The following GCN1 variants were observed in gnomAD, a reference collection of about 807,000 sequenced individuals.
The protein encoded by GCN1 is stalled ribosome sensor GCN1.
GCN1 carries 90 observed loss-of-function variants against 288.4 expected under a neutral mutation model. The observed-to-expected ratio is 0.31, with a 90% CI of 0.26 to 0.37. The LOEUF is 0.37. GCN1 is among the 10% of genes least tolerant of loss of function. The pLI, the probability that GCN1 is intolerant of heterozygous loss-of-function variation, is 1.00. For synonymous variants in GCN1, 1,386 were observed against 1,420.2 expected (o/e 0.98, Z 0.54); for missense variants, 2,586 against 3,419.9 (o/e 0.76, Z 6.08).
At chr12:120,161,784 T>A in intron 21 of GCN1, 96 bp downstream of exon 21, 1 of 1,216,844 alleles carries the variant, frequency 8.2e-7, no homozygotes, top group Non-Finnish European at 1.2e-6. Context: ...GATAGGCTGT[T>A]GCATTCAACT....
rs536355010 is a variant in GCN1, at chr12:120,134,116, C to T, written c.7317+175G>A. On this transcript the variant is annotated intron_variant, in intron 53 of 57. Coordinates refer to ENST00000300648, the MANE Select transcript of GCN1 (RefSeq NM_006836.2). The surrounding 1 kb of genome is among the most constrained non-coding windows in gnomAD (Gnocchi z 5.0). ...ACCAATATATCCACAATACCTGCCC[C>T]GTTTCCCTTGAAACCCGAGGAAATG... Among the ~76,000 whole-genome samples, 13 of 152,238 alleles carry T rather than the reference C, an allele frequency of 8.5e-5. No homozygotes were observed. Among genetic ancestry groups the T allele is most frequent in the African/African-American group, 1.4e-4 (6 of 41,542 alleles).
In GCN1 at chr12:120,127,902, G is replaced by A; in HGVS notation, c.7963C>T (p.Leu2655=). ...NEVNRRSLKK[L]ASQADSTEQV... ...TCCGTGGAGTCGGCCTGGCTGGCCA[G>A]CTTCTTCAGGGACCTTCGGTTAACC... Residue 2655 remains leucine (L), a synonymous_variant, in exon 58 of 58, where the codon CTG becomes TTG. Transcript: ENST00000300648. 1 of 1,614,174 alleles carries A rather than the reference G, an allele frequency of 6.2e-7. No homozygotes were observed. The highest frequency in any genetic ancestry group is 8.5e-7 in the Non-Finnish European group (1 of 1,179,972).
intron 50 of GCN1, among the ~76,000 whole-genome samples, chr12:120,136,973 G>A (rs1286713905): frequency 1.3e-5 from 2 of 152,202 alleles, no homozygotes; most frequent in Middle Eastern, 3.2e-3. Flanking sequence ...CTGTTACCCT[G>A]TGGCCCACTC....
intron 15 of GCN1, 44 bp downstream of exon 15, chr12:120,170,125 A>G: frequency 6.4e-7 from 1 of 1,572,876 alleles, no homozygotes; most frequent in Non-Finnish European, 8.7e-7. Context: ...GACTCTTGTC[A>G]GAGGCCCCTG....
Position 120,183,441 on chromosome 12 carries a change from C to G in GCN1, c.426+128G>C, listed in dbSNP as rs60937420. 5,775 of 690,912 alleles carry G rather than the reference C, an allele frequency of 8.4e-3. 228 individuals are homozygous for G. In the African/African-American group the frequency reaches 0.085, roughly 10 times the overall value. 42.8% of individuals were successfully genotyped at this position (690,912 alleles called of 1,614,324 possible). On this transcript the variant is annotated intron_variant, in intron 5 of 57. Transcript: ENST00000300648. ...GGCCATCCACCAAAGCCACACACCT[C>G]GGGACAACTCAGAGTGTCTGGTCAC... is the stretch of plus-strand genomic sequence containing the variant.
intron 1 of GCN1, among the ~76,000 whole-genome samples, chr12:120,192,809 CAG>C (rs1269789806): frequency 1.3e-5 from 2 of 151,656 alleles, no homozygotes; most frequent in Non-Finnish European, 2.9e-5. Context: ...CTTTGGGAGA[CAG>C]AGGCGGACAG....
rs1877711646 is a variant in GCN1 at position 120,155,393 on chromosome 12, G to C, written c.3478C>G (p.Leu1160Val). The C allele has an allele frequency of 6.2e-7, 1 of 1,614,090 alleles. No individual in the cohort carries two copies. Among genetic ancestry groups the C allele is most frequent in the Non-Finnish European group, 8.5e-7 (1 of 1,180,032 alleles). ...SMMGLDLQPD[L>V]CSLLIDDVIY... ...ACGTCGTCAATCAGCAAGGAGCAGAGGTCTGGCTGCAGGTCTAGGCCCATC... is the reference window on the plus strand; with the variant it reads ...ACGTCGTCAATCAGCAAGGAGCAGACGTCTGGCTGCAGGTCTAGGCCCATC... Residue 1160 changes from leucine (L) to valine (V), a missense_variant, in exon 30 of 58, where the codon CTC (leucine) becomes GTC (valine). Physicochemically the swap from Leu to Val is conservative, Grantham distance 32. Coordinates refer to ENST00000300648, the MANE Select transcript of GCN1 (RefSeq NM_006836.2). This position sits in a 1 kb window ranked among gnomAD's most constrained non-coding sequence, Gnocchi z 4.9.
Position 120,148,325 on chromosome 12 carries a change from G to GC in GCN1, c.4567dup (p.Ala1523GlyfsTer8). 2 of 1,613,572 alleles carry GC rather than the reference G, an allele frequency of 1.2e-6. No homozygotes were observed. Among genetic ancestry groups the GC allele is most frequent in the Non-Finnish European group, 1.7e-6 (2 of 1,179,678 alleles). ...CTGCTTAGGAGCACAGTACGCCATT[G>GC]CCCCAAGAAGCTCCACTGACCCTGT... is the stretch of plus-strand genomic sequence containing the variant. On this transcript the variant is annotated frameshift_variant, in exon 37 of 58. Coordinates refer to ENST00000300648, the MANE Select transcript of GCN1 (RefSeq NM_006836.2). LOFTEE classifies it high-confidence loss of function.
intron 20 of GCN1, chr12:120,162,291 C>G (rs1042845308): frequency 2.7e-5 from 15 of 550,480 alleles, no homozygotes; most frequent in Non-Finnish European, 4.2e-5. Context: ...CTTCCCAATT[C>G]TCAATCTCCG....
In GCN1 at chr12:120,134,359, C is replaced by A. The variant is rs748698841; in HGVS notation, c.7249G>T (p.Ala2417Ser). Reference sequence around the variant, plus strand: ...TTCCGGATGACGGCATCCACTTTGGCCCCTGCTCCCTGAATCACAAACCTC... The same window carrying A: ...TTCCGGATGACGGCATCCACTTTGGACCCTGCTCCCTGAATCACAAACCTC... ...ALRFVIQGAG[A>S]KVDAVIRKNI... Residue 2417 changes from alanine (A) to serine (S), a missense_variant, in exon 53 of 58, where the codon GCC becomes TCC. Ala to Ser is a moderately conservative substitution (Grantham distance 99). Transcript: ENST00000300648. This position sits in a 1 kb window ranked among gnomAD's most constrained non-coding sequence, Gnocchi z 5.0. 1 of 1,614,062 alleles carries A rather than the reference C, an allele frequency of 6.2e-7. No homozygotes were observed. Among genetic ancestry groups the A allele is most frequent in the South Asian group, 1.1e-5 (1 of 91,080 alleles).
chr12:120,179,817 G>T (rs1026370036), intron 5 of GCN1, among the ~76,000 whole-genome samples: 1 of 152,118 alleles, frequency 6.6e-6, no homozygotes, highest in Non-Finnish European at 1.5e-5. Context: ...AAGAATTAAG[G>T]GTCCTGTTTC....
intron 39 of GCN1, 51 bp downstream of exon 39, chr12:120,145,211 T>C: frequency 3.9e-6 from 6 of 1,554,380 alleles, no homozygotes; most frequent in Non-Finnish European, 5.3e-6. Context: ...AATCCATTTA[T>C]GGGGACTGGA....
chr12:120,128,837 C>CTTTTTTTT (rs35329199), intron 57 of GCN1, among the ~76,000 whole-genome samples: 6 of 98,414 alleles, frequency 6.1e-5, no homozygotes, highest in Non-Finnish European at 7.6e-5. Flanking sequence ...TCACCCAAAT[C>CTTTTTTTT]TTTTTTTTTT....
chr12:120,144,736 A>G lies in GCN1; in HGVS notation c.5255T>C (p.Val1752Ala). Residue 1752 changes from valine (V) to alanine (A), a missense_variant, in exon 41 of 58, where the codon GTC becomes GCC. Around this residue, in one of 8 missense-constraint regions of GCN1, gnomAD observed 371 missense variants for 572.6 expected, o/e 0.65. Transcript: ENST00000300648. This position sits in a 1 kb window ranked among gnomAD's most constrained non-coding sequence, Gnocchi z 4.7. The stretch of plus-strand genomic sequence containing the variant: ...AAACATCATAATGTAGCCATCTCGG[A>G]CATGGGGTGCAATGTCCACTTTGCT... ...TASKVDIAPH[V>A]RDGYIMMFNY... 6.2e-7 allele frequency: 1 copy of G among 1,614,052 alleles called. No homozygotes were observed. The highest frequency in any genetic ancestry group is 8.5e-7 in the Non-Finnish European group (1 of 1,179,868).
Position 120,159,842 on chromosome 12 carries a change from G to C in GCN1, c.2732C>G (p.Ser911Cys). Residue 911 changes from serine to cysteine, a missense_variant, in exon 24 of 58, where the codon TCT becomes TGT. Around this residue, in one of 8 missense-constraint regions of GCN1, gnomAD observed 153 missense variants for 252.0 expected, o/e 0.61. Transcript: ENST00000300648. ...FLSLAACVMP[S>C]RLKALGTLVS... ...GGACTAACCCAAAGCCTTGAGCCTA[G>C]AGGGCATGACACAGGCAGCCAAGGA... The C allele has an allele frequency of 1.2e-6, 2 of 1,614,114 alleles. No homozygotes were observed. The highest frequency in any genetic ancestry group is 1.7e-6 in the Non-Finnish European group (2 of 1,179,958).
In GCN1 at chr12:120,134,992, C is replaced by T. The variant is rs149310106; in HGVS notation, c.7009-266G>A. Among the ~76,000 whole-genome samples the T allele has an allele frequency of 6.2e-4, 95 of 152,336 alleles. No individual in the cohort carries two copies. Among genetic ancestry groups the T allele is most frequent in the Admixed American group, 1.1e-3 (17 of 15,302 alleles). On this transcript the variant is annotated intron_variant, in intron 51 of 57. Transcript: ENST00000300648. The surrounding 1 kb of genome is among the most constrained non-coding windows in gnomAD (Gnocchi z 5.0). Reference sequence around the variant, plus strand: ...CTATCTGAGGGAGCTGTCTCGCAGCCTTGGCTGCGTTGGGGTTTGGCTTAG... The same window carrying T: ...CTATCTGAGGGAGCTGTCTCGCAGCTTTGGCTGCGTTGGGGTTTGGCTTAG...
chr12:120,190,771 G>GA (rs1367200209), intron 1 of GCN1, among the ~76,000 whole-genome samples: 1 of 152,110 alleles, frequency 6.6e-6, no homozygotes, highest in Non-Finnish European at 1.5e-5. Context: ...CCTCTGAAAA[G>GA]AAAATATCCC....
rs1015345359 is a variant in GCN1 at position 120,158,884 on chromosome 12, C to T, written c.2750-269G>A. Among the ~76,000 whole-genome samples the T allele has an allele frequency of 5.3e-5, 8 of 151,712 alleles. No individual in the cohort carries two copies. Among genetic ancestry groups the T allele is most frequent in the Admixed American group, 2.6e-4 (4 of 15,224 alleles). The stretch of plus-strand genomic sequence containing the variant: ...AAAATTAGCTGGGCGTGGTGACGGG[C>T]GCCTGTAGTCCCAGCTACTCAGGAG... On this transcript the variant is annotated intron_variant, in intron 24 of 57. Coordinates refer to ENST00000300648, the MANE Select transcript of GCN1 (RefSeq NM_006836.2). This position sits in a 1 kb window ranked among gnomAD's most constrained non-coding sequence, Gnocchi z 4.3.
intron 14 of GCN1, among the ~76,000 whole-genome samples, chr12:120,171,624 T>C (rs1336229646): frequency 6.6e-6 from 1 of 152,220 alleles, no homozygotes; most frequent in African/African-American, 2.4e-5. Context: ...ATCCAAGAAA[T>C]CTTTATTACA....
Sources: allele counts gnomAD v4.1 joint callset (sites outside exome capture counted in the v4.1 genomes callset), GRCh38; gene constraint gnomAD v4.1.1; regional missense constraint gnomAD v4.1.1; non-coding constraint Gnocchi (gnomAD v3.1); transcripts MANE v1.5; gene names NCBI Gene and HGNC (gene_info 2026-07-23, HGNC 2026-07-21).